Variants in AKAP13 observed in about 807,000 individuals in gnomAD.
The protein encoded by AKAP13 is A-kinase anchor protein 13.
AKAP13 carries 80 observed loss-of-function variants against 264.5 expected under a neutral mutation model. The observed-to-expected ratio is 0.30, with a 90% CI of 0.25 to 0.36. The LOEUF (loss-of-function observed/expected upper bound fraction) is 0.36, where lower values mean the gene tolerates loss of function less well. AKAP13 is among the 10% of genes least tolerant of loss of function. The pLI is 1.00. For synonymous variants in AKAP13, 1,380 were observed against 1,250.2 expected (o/e 1.10, Z -2.19); for missense variants, 3,712 against 3,435.2 (o/e 1.08, Z -2.01).
chr15:85,493,272 G>A (rs1783982650), intron 2 of AKAP13, among the ~76,000 whole-genome samples: 1 of 152,186 alleles, frequency 6.6e-6, no homozygotes, highest in African/African-American at 2.4e-5. Flanking sequence ...GTGAGTGAAT[G>A]AACTACAGTT....
At chr15:85,515,956 A>C (rs1161723773) in intron 2 of AKAP13, among the ~76,000 whole-genome samples, 1 of 88,338 alleles carries the variant, frequency 1.1e-5, no homozygotes, top group Middle Eastern at 5.2e-3. Context: ...GTTTTTAACA[A>C]CTTCTTTAAC....
chr15:85,385,763 A>G (rs1454473339), intron 1 of AKAP13, among the ~76,000 whole-genome samples: 1 of 152,178 alleles, frequency 6.6e-6, no homozygotes, highest in East Asian at 1.9e-4. Flanking sequence ...ATACTTTGGA[A>G]TCAAATACAT....
At chr15:85,616,031 A>G (rs8034676) in intron 8 of AKAP13, among the ~76,000 whole-genome samples, 63,090 of 152,026 alleles carry the variant, frequency 0.41, 13,951 homozygotes, top group East Asian at 0.57. Context: ...TTGATCATTG[A>G]TGAGTCATTA....
At position 85,664,681 on chromosome 15, in the gene AKAP13, G is replaced by T. The variant is rs1287707472; in HGVS notation, c.4918G>T (p.Val1640Phe). The T allele has an allele frequency of 1.2e-6, 2 of 1,613,990 alleles. No individual in the cohort carries two copies. The highest frequency in any genetic ancestry group is 1.3e-5 in the African/African-American group (1 of 74,922). Residue 1640 changes from valine (V) to phenylalanine (F), a missense_variant, in exon 13 of 37, where the codon GTT becomes TTT. This residue lies in a region of AKAP13 where 2,759 missense variants were observed against 2,411.7 expected (regional missense o/e 1.14). Coordinates refer to ENST00000394518, the MANE Select transcript of AKAP13 (RefSeq NM_007200.5). ...ACACCCATTCAGTGGTGAGGAACGG[G>T]TTGACTCTTTGGTGTCACTTTCAGA... ...LRHPFSGEER[V>F]DSLVSLSEED...
chr15:85,655,928 CTG>C, intron 11 of AKAP13, 141 bp downstream of exon 11: 1 of 1,345,656 alleles, frequency 7.4e-7, no homozygotes, highest in Non-Finnish European at 9.7e-7. Flanking sequence ...TCAGGAAAAT[CTG>C]TGTTCAGACC....
Position 85,629,764 on chromosome 15 carries a change from C to CTTTTTTTTTTTTTTTTTTTT in AKAP13, c.4162-9596_4162-9577dup, listed in dbSNP as rs773396099. Among the ~76,000 whole-genome samples, 4 of 50,504 alleles carry CTTTTTTTTTTTTTTTTTTTT rather than the reference C, an allele frequency of 7.9e-5. 2 individuals are homozygous for CTTTTTTTTTTTTTTTTTTTT. The highest frequency in any genetic ancestry group is 1.5e-4 in the Non-Finnish European group (4 of 26,950). The allele number at this position is 50,504 out of a possible 152,430, so 33.1% of individuals were successfully genotyped here. The stretch of plus-strand genomic sequence containing the variant: ...GAAATATAATGAGTTCCTTTACAGC[C>CTTTTTTTTTTTTTTTTTTTT]TTTTTTTTTTTTTTTTTTTTTTTTT... On this transcript the variant is annotated intron_variant, in intron 8 of 36. Coordinates refer to ENST00000394518, the MANE Select transcript of AKAP13 (RefSeq NM_007200.5).
chr15:85,506,271 G>A (rs1024182999), intron 2 of AKAP13, among the ~76,000 whole-genome samples: 4 of 152,106 alleles, frequency 2.6e-5, no homozygotes, highest in East Asian at 3.9e-4. Flanking sequence ...GCAACAGAGC[G>A]GGACTCCATC....
Position 85,678,347 on chromosome 15 carries a change from A to C in AKAP13, c.5102-3811A>C, listed in dbSNP as rs1032587649. On this transcript the variant is annotated intron_variant, in intron 14 of 36. Coordinates refer to ENST00000394518, the MANE Select transcript of AKAP13 (RefSeq NM_007200.5). ...AAGTGTTTCTCAAGCTGGCATTTTC[A>C]CACTATTCTTAAAGGGAAGTGCCTT... Among the ~76,000 whole-genome samples the C allele has an allele frequency of 2.0e-5, 3 of 152,338 alleles. No homozygotes were observed. In the South Asian group the frequency reaches 6.2e-4, roughly 32 times the overall value.
intron 1 of AKAP13, among the ~76,000 whole-genome samples, chr15:85,478,300 AAGAT>A (rs1381853153): frequency 6.6e-6 from 1 of 152,222 alleles, no homozygotes; most frequent in Non-Finnish European, 1.5e-5. Context: ...TGTCAAGAAA[AAGAT>A]AACCTAAACA....
At chr15:85,442,477 A>G (rs1051942713) in intron 1 of AKAP13, among the ~76,000 whole-genome samples, 5 of 122,222 alleles carry the variant, frequency 4.1e-5, no homozygotes, top group African/African-American at 1.2e-4. Context: ...AATATATATT[A>G]TATAATATAT....
At chr15:85,502,954 G>A (rs1358002363) in intron 2 of AKAP13, among the ~76,000 whole-genome samples, 1 of 152,186 alleles carries the variant, frequency 6.6e-6, no homozygotes, top group Non-Finnish European at 1.5e-5. Flanking sequence ...TTGAGAAATA[G>A]TGTGTTTTAC....
At chr15:85,534,565 G>A (rs1400022432) in intron 4 of AKAP13, 1 of 151,842 alleles carries the variant, frequency 6.6e-6, no homozygotes, top group Non-Finnish European at 1.5e-5. Context: ...CTCCCAAATA[G>A]CTGGGATTAC....
chr15:85,637,877 T>C (rs2151468261), intron 8 of AKAP13, among the ~76,000 whole-genome samples: 1 of 139,048 alleles, frequency 7.2e-6, no homozygotes, highest in African/African-American at 2.6e-5. Flanking sequence ...CCCTGGGTTA[T>C]TTAGAAGTTT....
intron 6 of AKAP13, among the ~76,000 whole-genome samples, chr15:85,577,288 C>T (rs1398246021): frequency 2.6e-5 from 4 of 151,624 alleles, no homozygotes; most frequent in Non-Finnish European, 5.9e-5. Flanking sequence ...GGATGGATGG[C>T]AGTAGGTATG....
chr15:85,655,233 T>G (rs935580638), intron 10 of AKAP13, among the ~76,000 whole-genome samples, 184 bp from the exon 11 acceptor site: 1 of 152,060 alleles, frequency 6.6e-6, no homozygotes, highest in Non-Finnish European at 1.5e-5. Context: ...CTGTTTCTCT[T>G]CTAGAGTCCA....
intron 6 of AKAP13, among the ~76,000 whole-genome samples, chr15:85,577,010 T>G (rs904609332): frequency 6.6e-6 from 1 of 152,212 alleles, no homozygotes; most frequent in Non-Finnish European, 1.5e-5. Context: ...TTTAATGACT[T>G]CATTTCCTGA....
At chr15:85,640,068 A>AT (rs2082239780) in intron 9 of AKAP13, among the ~76,000 whole-genome samples, 1 of 152,222 alleles carries the variant, frequency 6.6e-6, no homozygotes, top group African/African-American at 2.4e-5. Context: ...ATAGCTTGTG[A>AT]TTAGTTAGGA....
rs759863967 is a variant in AKAP13 at position 85,580,856 on chromosome 15, A to G, written c.2788A>G (p.Lys930Glu). Residue 930 changes from lysine to glutamate, a missense_variant, in exon 7 of 37, where the codon AAA becomes GAA. Physicochemically the swap from Lys to Glu is moderately conservative, Grantham distance 56 (BLOSUM62 1). This residue lies in a region of AKAP13 where 2,759 missense variants were observed against 2,411.7 expected (regional missense o/e 1.14). Coordinates refer to ENST00000394518, the MANE Select transcript of AKAP13 (RefSeq NM_007200.5). ...SSAAQEQDKD[K>E]AVTCSSIKEN... ...TGCAGCTCAGGAACAAGATAAGGAT[A>G]AAGCGGTGACCTGTTCCTCTATTAA... 8.7e-6 allele frequency: 14 copies of G among 1,614,188 alleles called. No individual in the cohort carries two copies. The highest frequency in any genetic ancestry group is 3.3e-5 in the Admixed American group (2 of 60,034).
intron 33 of AKAP13, among the ~76,000 whole-genome samples, chr15:85,737,227 CTTCTTT>C (rs2088605539): frequency 6.6e-6 from 1 of 152,014 alleles, no homozygotes; most frequent in Admixed American, 6.6e-5. Context: ...GCCATATCTT[CTTCTTT>C]GAGTATTGCT....
Sources: allele counts gnomAD v4.1 joint callset (sites outside exome capture counted in the v4.1 genomes callset), GRCh38; gene constraint gnomAD v4.1.1; regional missense constraint gnomAD v4.1.1; transcripts MANE v1.5; gene names NCBI Gene and HGNC (gene_info 2026-07-23, HGNC 2026-07-21).